SAMD12: variants seen among roughly 807,000 people sequenced by gnomAD.
SAMD12 encodes the protein sterile alpha motif domain-containing protein 12.
A neutral mutation model predicts 15.0 loss-of-function variants in SAMD12; 9 were observed. That is an observed-to-expected ratio of 0.60 (90% confidence interval 0.36 to 1.05). The LOEUF is 1.05. SAMD12 is among the 50% of genes least tolerant of loss of function. The probability of loss-of-function intolerance (pLI) is 0.01; values close to 1 mark genes in which losing one functional copy is unlikely to be tolerated. For missense variants in SAMD12, 230 were observed against 234.2 expected (o/e 0.98, Z 0.12); for synonymous variants, 86 against 90.1 (o/e 0.96, Z 0.25).
At chr8:118,537,507 G>C (rs943640875) in intron 2 of SAMD12, among the ~76,000 whole-genome samples, 19 of 152,040 alleles carry the variant, frequency 1.2e-4, no homozygotes, top group Admixed American at 1.0e-3. Flanking sequence ...TTTTCAAATA[G>C]TCTGTTTGCA....
At chr8:118,585,189 C>A (rs1489485143) in intron 1 of SAMD12, among the ~76,000 whole-genome samples, 1 of 152,016 alleles carries the variant, frequency 6.6e-6, no homozygotes, top group Non-Finnish European at 1.5e-5. Flanking sequence ...GTGAAATATG[C>A]CAGACAAAAA....
chr8:118,557,071 G>A (rs925858210), intron 2 of SAMD12, among the ~76,000 whole-genome samples: 5 of 152,290 alleles, frequency 3.3e-5, no homozygotes, highest in Non-Finnish European at 7.4e-5. Flanking sequence ...GAATGATATG[G>A]CTTGGCTCTA....
At chr8:118,386,022 A>G (rs1819935636) in intron 3 of SAMD12, among the ~76,000 whole-genome samples, 2 of 152,136 alleles carry the variant, frequency 1.3e-5, no homozygotes, top group African/African-American at 2.4e-5. Flanking sequence ...ACACACACCA[A>G]CTGAGACTAG....
In SAMD12 at chr8:118,230,264, G is replaced by A. The variant is rs17507733; in HGVS notation, c.434-32532C>T. Among the ~76,000 whole-genome samples, 921 of 152,276 alleles carry A rather than the reference G, an allele frequency of 6.0e-3. 10 individuals are homozygous for A. The highest frequency in any genetic ancestry group is 0.021 in the African/African-American group (869 of 41,558). On this transcript the variant is annotated intron_variant, in intron 4 of 4. Transcript: ENST00000409003. Reference sequence around the variant, plus strand: ...CTATTCTTGTCACAATTTTAGATATGAGGATTAAACAGGCTAAATGGCTTG... The same window carrying A: ...CTATTCTTGTCACAATTTTAGATATAAGGATTAAACAGGCTAAATGGCTTG...
intron 3 of SAMD12, among the ~76,000 whole-genome samples, chr8:118,434,024 A>C (rs1052175338): frequency 1.3e-5 from 2 of 152,222 alleles, no homozygotes; most frequent in African/African-American, 2.4e-5. Context: ...ACAATCACAG[A>C]AGGATAGAGG....
At chr8:118,430,424 A>G (rs546251368) in intron 3 of SAMD12, among the ~76,000 whole-genome samples, 12 of 150,680 alleles carry the variant, frequency 8.0e-5, no homozygotes, top group Admixed American at 1.3e-4. Context: ...GGGCAGTGGC[A>G]TGATCTCGGC....
the SAMD12 span, among the ~76,000 whole-genome samples, chr8:118,177,486 C>T: frequency 6.6e-6 from 1 of 152,018 alleles, no homozygotes; most frequent in Non-Finnish European, 1.5e-5. Flanking sequence ...TCAAGCAATT[C>T]TTGTGCCTCA....
chr8:118,465,278 A>G (rs1823560739), intron 2 of SAMD12, among the ~76,000 whole-genome samples: 1 of 152,126 alleles, frequency 6.6e-6, no homozygotes, highest in African/African-American at 2.4e-5. Context: ...GGTGAGTGGA[A>G]CTCATAAAAC....
the SAMD12 span, among the ~76,000 whole-genome samples, chr8:118,180,287 T>C: frequency 6.6e-6 from 1 of 152,220 alleles, no homozygotes; most frequent in South Asian, 2.1e-4. Context: ...TCACATTTGC[T>C]TCTGTGGCAC....
intron 3 of SAMD12, among the ~76,000 whole-genome samples, chr8:118,433,033 T>G (rs991028930): frequency 2.6e-5 from 4 of 152,288 alleles, no homozygotes; most frequent in Admixed American, 1.3e-4. Flanking sequence ...TTAGAAAGGG[T>G]AACACAGGGG....
At chr8:118,472,785 A>C (rs1281780473) in intron 2 of SAMD12, among the ~76,000 whole-genome samples, 1 of 151,712 alleles carries the variant, frequency 6.6e-6, no homozygotes, top group East Asian at 1.9e-4. Flanking sequence ...TACAGTAAAA[A>C]AGCCTGGTAT....
intron 2 of SAMD12, among the ~76,000 whole-genome samples, chr8:118,515,357 T>C (rs1391402797): frequency 6.6e-6 from 1 of 152,024 alleles, no homozygotes; most frequent in Non-Finnish European, 1.5e-5. Flanking sequence ...CCACGTAAGA[T>C]GCGTCTGCTT....
intron 2 of SAMD12, among the ~76,000 whole-genome samples, chr8:118,571,782 G>T (rs957258097): frequency 6.6e-6 from 1 of 152,228 alleles, no homozygotes; most frequent in African/African-American, 2.4e-5. Context: ...ATGCCTGGAT[G>T]TTCAGGCAGA....
At chr8:118,516,115 C>T (rs939328092) in intron 2 of SAMD12, among the ~76,000 whole-genome samples, 8 of 152,244 alleles carry the variant, frequency 5.3e-5, no homozygotes, top group Admixed American at 4.6e-4. Flanking sequence ...GGGAGCCCTG[C>T]AGAAAATCTC....
chr8:118,357,664 T>C (rs1818298444), intron 4 of SAMD12, among the ~76,000 whole-genome samples: 1 of 152,234 alleles, frequency 6.6e-6, no homozygotes, highest in Non-Finnish European at 1.5e-5. Flanking sequence ...AAATAAATAT[T>C]GTTGTCAAAA....
chr8:118,172,157 T>C, the SAMD12 span, among the ~76,000 whole-genome samples: 1 of 152,032 alleles, frequency 6.6e-6, no homozygotes, highest in Non-Finnish European at 1.5e-5. Context: ...CTAATGTAAA[T>C]GACGAGTTAA....
chr8:118,187,236 G>C (rs962446768), downstream of SAMD12, among the ~76,000 whole-genome samples: 17 of 152,136 alleles, frequency 1.1e-4, no homozygotes, highest in African/African-American at 4.1e-4. Context: ...TGTGATTGCA[G>C]TTGTCTTTCT....
intron 4 of SAMD12, among the ~76,000 whole-genome samples, chr8:118,246,606 T>C (rs1162001177): frequency 2.6e-5 from 4 of 152,162 alleles, no homozygotes; most frequent in Non-Finnish European, 5.9e-5. Context: ...AGTTGGACTT[T>C]CTGTAACATG....
the SAMD12 span, among the ~76,000 whole-genome samples, chr8:118,156,827 A>G: frequency 1.3e-5 from 2 of 152,220 alleles, no homozygotes; most frequent in Admixed American, 6.5e-5. Flanking sequence ...AGAAGAAAGG[A>G]GCAAAGACTC....
Sources: allele counts gnomAD v4.1 joint callset (sites outside exome capture counted in the v4.1 genomes callset), GRCh38; gene constraint gnomAD v4.1.1; transcripts MANE v1.5; gene names NCBI Gene and HGNC (gene_info 2026-07-23, HGNC 2026-07-21).